SND1: variants seen among roughly 807,000 people sequenced by gnomAD.
SND1 encodes staphylococcal nuclease domain-containing protein 1.
Under a neutral mutation model 121.7 loss-of-function variants are expected in SND1, and 38 were observed. The ratio of observed to expected loss-of-function variants is 0.31; its 90% CI spans 0.24 to 0.41. The LOEUF is 0.41. SND1 is among the 10% of genes least tolerant of loss of function. The probability of loss-of-function intolerance (pLI) is 1.00; values close to 1 mark genes in which losing one functional copy is unlikely to be tolerated. For missense variants in SND1, 868 were observed against 1,184.6 expected (o/e 0.73, Z 3.92); for synonymous variants, 401 against 447.4 (o/e 0.90, Z 1.31).
At position 127,904,608 on chromosome 7, in the gene SND1, C is replaced by G. The variant is rs1584655469; in HGVS notation, c.1455-139C>G. 5 of 579,956 alleles carry G rather than the reference C, an allele frequency of 8.6e-6. No homozygotes were observed. The East Asian group carries it at 1.4e-4, about 17-fold the overall frequency. 35.9% of individuals were successfully genotyped at this position (579,956 alleles called of 1,614,324 possible). ...CAAATCCTCTTGCACAGACTGGCTA[C>G]TCAGCAGTGTACAGTGTGACTTGTG... is the stretch of plus-strand genomic sequence containing the variant. On this transcript the variant is annotated intron_variant, in intron 13 of 23. Coordinates refer to ENST00000354725, the MANE Select transcript of SND1 (RefSeq NM_014390.4).
intron 1 of SND1, among the ~76,000 whole-genome samples, chr7:127,656,809 C>G (rs781402165): frequency 3.9e-5 from 6 of 152,190 alleles, no homozygotes; most frequent in Non-Finnish European, 7.3e-5. Flanking sequence ...CCCACCTTTC[C>G]TAAGCTACTT....
chr7:128,067,559 C>G (rs532058878), intron 16 of SND1, among the ~76,000 whole-genome samples: 1 of 152,244 alleles, frequency 6.6e-6, no homozygotes, highest in Non-Finnish European at 1.5e-5. Flanking sequence ...GTGCTGGGCT[C>G]TTTTCTACTT....
At chr7:127,887,244 G>A (rs893353349) in intron 12 of SND1, among the ~76,000 whole-genome samples, 1 of 152,088 alleles carries the variant, frequency 6.6e-6, no homozygotes, top group East Asian at 1.9e-4. Context: ...TGATCCCAGC[G>A]CCCGGGCCTC....
At chr7:128,067,017 G>C (rs931840595) in intron 16 of SND1, among the ~76,000 whole-genome samples, 1 of 152,154 alleles carries the variant, frequency 6.6e-6, no homozygotes, top group Admixed American at 6.5e-5. Context: ...GGACTTGATC[G>C]TTAGCAAATG....
intron 10 of SND1, among the ~76,000 whole-genome samples, chr7:127,723,109 CTATA>C (rs1013724529): frequency 6.6e-6 from 1 of 152,130 alleles, no homozygotes; most frequent in African/African-American, 2.4e-5. Flanking sequence ...TTAATGTAGA[CTATA>C]TAGCTGAATT....
intron 6 of SND1, 146 bp downstream of exon 6, chr7:127,702,672 T>C: frequency 1.5e-6 from 1 of 665,540 alleles, no homozygotes; most frequent in Admixed American, 2.5e-5. Context: ...GTTTAAACTT[T>C]GTAGTACGAC....
intron 12 of SND1, among the ~76,000 whole-genome samples, chr7:127,876,383 A>G (rs1584634902): frequency 6.6e-6 from 1 of 152,112 alleles, no homozygotes; most frequent in East Asian, 1.9e-4. Flanking sequence ...CAACTGGGGT[A>G]GAGAGAGAAT....
chr7:127,928,297 C>G (rs999752380), intron 14 of SND1: 2 of 152,080 alleles, frequency 1.3e-5, no homozygotes, highest in African/African-American at 4.8e-5. Context: ...TCTAGATTTC[C>G]CTGGGTAGGA....
Position 128,029,927 on chromosome 7 carries a change from G to A in SND1, c.1779+38871G>A. On this transcript the variant is annotated intron_variant, in intron 16 of 23. Transcript: ENST00000354725. The surrounding 1 kb of genome is among the most constrained non-coding windows in gnomAD (Gnocchi z 4.2). ...GCTTCTTGAGGGAGCTCAGGCCATG[G>A]AAGGAGCCAGGCCTGATCTCAGGGA... is the stretch of plus-strand genomic sequence containing the variant. The A allele has an allele frequency of 1.2e-6, 2 of 1,613,240 alleles. No individual in the cohort carries two copies. Among genetic ancestry groups the A allele is most frequent in the Non-Finnish European group, 1.7e-6 (2 of 1,180,028 alleles).
chr7:127,926,123 A>T (rs1800827452), intron 14 of SND1, among the ~76,000 whole-genome samples: 1 of 152,156 alleles, frequency 6.6e-6, no homozygotes, highest in African/African-American at 2.4e-5. Flanking sequence ...TTATAGCTAC[A>T]TCGCCTGAGG....
chr7:127,755,899 C>T (rs1279898057), intron 10 of SND1, among the ~76,000 whole-genome samples: 1 of 152,168 alleles, frequency 6.6e-6, no homozygotes, highest in Non-Finnish European at 1.5e-5. Flanking sequence ...TACGCAAATA[C>T]AAGAGTATGC....
At chr7:127,682,252 A>G (rs1289242698) in intron 1 of SND1, among the ~76,000 whole-genome samples, 1 of 152,162 alleles carries the variant, frequency 6.6e-6, no homozygotes, top group Non-Finnish European at 1.5e-5. Context: ...ATCTCCCAGT[A>G]AACCCATAAG....
In SND1 at chr7:127,917,790, G is replaced by T. The variant is rs1014343355; in HGVS notation, c.1528-11398G>T. On this transcript the variant is annotated intron_variant, in intron 14 of 23. Transcript: ENST00000354725. ...TGTCGTTAGTACCATAAAACACTGTGCTTAAATCTGTTTTTGATGGAATCA... is the reference window on the plus strand; with the variant it reads ...TGTCGTTAGTACCATAAAACACTGTTCTTAAATCTGTTTTTGATGGAATCA... Among the ~76,000 whole-genome samples, 40 of 152,144 alleles carry T rather than the reference G, an allele frequency of 2.6e-4. 1 individual carries two copies. Among genetic ancestry groups the T allele is most frequent in the Non-Finnish European group, 4.4e-5 (3 of 68,036 alleles).
At chr7:127,753,465 A>G (rs931793007) in intron 10 of SND1, among the ~76,000 whole-genome samples, 3 of 150,862 alleles carry the variant, frequency 2.0e-5, no homozygotes, top group Non-Finnish European at 4.4e-5. Flanking sequence ...TTTTTTTTTT[A>G]AATGAAAGGC....
At chr7:127,707,047 C>G (rs759678398) in intron 8 of SND1, among the ~76,000 whole-genome samples, 5 of 152,136 alleles carry the variant, frequency 3.3e-5, no homozygotes, top group Non-Finnish European at 5.9e-5. Context: ...AAATTTCTGG[C>G]TACATAGGTT....
chr7:127,770,122 A>G (rs1177108426), intron 10 of SND1, among the ~76,000 whole-genome samples: 1 of 152,184 alleles, frequency 6.6e-6, no homozygotes, highest in East Asian at 1.9e-4. Context: ...CAGGGCCCAG[A>G]AGGTCTTAAA....
chr7:127,946,182 GT>G (rs112791466), intron 15 of SND1, among the ~76,000 whole-genome samples: 177 of 152,298 alleles, frequency 1.2e-3, no homozygotes, highest in African/African-American at 3.7e-3. Flanking sequence ...GTTTGGATTT[GT>G]TTTATTGTCC....
Position 128,029,302 on chromosome 7 carries a change from T to A in SND1, c.1779+38246T>A. 1 of 1,614,116 alleles carries A rather than the reference T, an allele frequency of 6.2e-7. No individual in the cohort carries two copies. On this transcript the variant is annotated intron_variant, in intron 16 of 23. Transcript: ENST00000354725. This position sits in a 1 kb window ranked among gnomAD's most constrained non-coding sequence, Gnocchi z 4.2. Reference sequence around the variant, plus strand: ...GTGAAGAAGCTGTAGTTGGAGGTGTTAAGCTCAGCCGTGCTCACATTGAGG... The same window carrying A: ...GTGAAGAAGCTGTAGTTGGAGGTGTAAAGCTCAGCCGTGCTCACATTGAGG...
intron 16 of SND1, among the ~76,000 whole-genome samples, chr7:128,057,961 T>A (rs1403809729): frequency 2.0e-5 from 3 of 152,228 alleles, no homozygotes; most frequent in African/African-American, 7.2e-5. Flanking sequence ...CTGCAGGTAC[T>A]AAAAGTGACC....
Sources: gnomAD v4.1 joint callset for allele counts (sites outside exome capture counted in the v4.1 genomes callset) on GRCh38, gnomAD v4.1.1 for gene constraint, Gnocchi (gnomAD v3.1) non-coding constraint, MANE v1.5 for transcripts, NCBI Gene and HGNC (gene_info 2026-07-23, HGNC 2026-07-21) for gene names.